Variants in GLIS3 observed in about 807,000 individuals in gnomAD.
The protein encoded by GLIS3 is GLIS family zinc finger 3, also known as zinc finger protein GLIS3.
A neutral mutation model predicts 78.6 loss-of-function variants in GLIS3; 53 were observed. The observed-to-expected ratio is 0.67, with a 90% CI of 0.54 to 0.85. The LOEUF is 0.85. GLIS3 is among the 40% of genes least tolerant of loss of function. The probability of loss-of-function intolerance (pLI) is 0.00; values close to 1 mark genes in which losing one functional copy is unlikely to be tolerated. For missense variants in GLIS3, 1,703 were observed against 1,231.1 expected, an observed-to-expected ratio of 1.38 and a Z score of -5.74; for synonymous variants, 684 against 509.9, an observed-to-expected ratio of 1.34 and a Z score of -4.60.
chr9:4,409,686 G>A, the GLIS3 span, among the ~76,000 whole-genome samples: 41 of 152,178 alleles, frequency 2.7e-4, 1 homozygote, highest in African/African-American at 8.2e-4. Flanking sequence ...CATTTGGCTG[G>A]GGAATTATTA....
chr9:4,407,054 C>T, the GLIS3 span, among the ~76,000 whole-genome samples: 2 of 152,278 alleles, frequency 1.3e-5, no homozygotes, highest in South Asian at 2.1e-4. Context: ...TACTACAGAG[C>T]TTCTGTAACT....
At chr9:4,124,296 AG>A (rs1317433478) in intron 3 of GLIS3, among the ~76,000 whole-genome samples, 5 of 152,242 alleles carry the variant, frequency 3.3e-5, no homozygotes, top group Non-Finnish European at 7.3e-5. Context: ...AATTATGCTA[AG>A]GAATCAAATA....
intron 2 of GLIS3, among the ~76,000 whole-genome samples, chr9:4,225,970 C>T (rs531048431): frequency 3.3e-5 from 5 of 152,172 alleles, no homozygotes; most frequent in Non-Finnish European, 7.3e-5. Context: ...CTACCTGAAA[C>T]GTTATCATTT....
At chr9:4,354,163 G>A in the GLIS3 span, among the ~76,000 whole-genome samples, 16 of 152,212 alleles carry the variant, frequency 1.1e-4, 1 homozygote, top group South Asian at 3.3e-3. Flanking sequence ...TGATAGCCAA[G>A]AGGGCTTTTT....
intron 2 of GLIS3, among the ~76,000 whole-genome samples, chr9:4,276,392 G>A (rs1305963121): frequency 1.3e-4 from 6 of 46,000 alleles, no homozygotes; most frequent in Non-Finnish European, 2.6e-4. Flanking sequence ...GTGAGGGGAG[G>A]GAAGGGAAGG....
rs1434780756 is a variant in GLIS3 at position 4,219,251 on chromosome 9, G to GT, written c.388+66786dup. 3.3e-5 allele frequency among the ~76,000 whole-genome samples: 5 copies of GT among 152,186 alleles called. No homozygotes were observed. The East Asian group carries it at 5.8e-4, about 18-fold the overall frequency. On this transcript the variant is annotated intron_variant, in intron 2 of 10. Transcript: ENST00000381971. ...ATAAACGAGACCTGACCAACATCAA[G>GT]TACATAGGCTAGAGACACAAGATTT...
chr9:4,286,884 A>T (rs1465220928), intron 1 of GLIS3, among the ~76,000 whole-genome samples: 4 of 152,152 alleles, frequency 2.6e-5, no homozygotes, highest in Admixed American at 2.6e-4. Flanking sequence ...GTCTTGGGAA[A>T]CCCAAAAGCA....
intron 2 of GLIS3, among the ~76,000 whole-genome samples, chr9:4,320,705 T>C (rs1329856155): frequency 6.6e-6 from 1 of 151,922 alleles, no homozygotes; most frequent in Non-Finnish European, 1.5e-5. Flanking sequence ...CCACTACTAC[T>C]ATCTCTACTA....
chr9:3,953,785 CTCTCTCTCTCTATATATATATA>C, intron 4 of GLIS3, among the ~76,000 whole-genome samples: 1 of 42,312 alleles, frequency 2.4e-5, no homozygotes, highest in East Asian at 5.1e-4. Flanking sequence ...CTCTCTCTCT[CTCTCTCTCTCTATATATATATA>C]TATATATATA....
chr9:3,975,651 G>A (rs1818723935), intron 4 of GLIS3, among the ~76,000 whole-genome samples: 1 of 151,582 alleles, frequency 6.6e-6, no homozygotes, highest in South Asian at 2.1e-4. Context: ...CTAGAAACCA[G>A]TAACATGCCT....
intron 3 of GLIS3, chr9:4,310,371 T>C (rs1817330349): frequency 6.6e-6 from 1 of 152,160 alleles, no homozygotes; most frequent in Non-Finnish European, 1.5e-5. Flanking sequence ...TCCGAGTGAA[T>C]GGGGGATAAA....
chr9:3,952,427 C>T (rs938381546), intron 4 of GLIS3, among the ~76,000 whole-genome samples: 1 of 152,162 alleles, frequency 6.6e-6, no homozygotes, highest in Non-Finnish European at 1.5e-5. Flanking sequence ...ACACAATTTG[C>T]ACCTTCTTTG....
At chr9:4,315,191 T>G (rs533057417) in intron 2 of GLIS3, among the ~76,000 whole-genome samples, 1 of 152,226 alleles carries the variant, frequency 6.6e-6, no homozygotes, top group Non-Finnish European at 1.5e-5. Context: ...CTTAAAATCA[T>G]GTGTCCCAGA....
At chr9:4,333,105 A>C (rs538381077) in intron 2 of GLIS3, among the ~76,000 whole-genome samples, 2 of 152,328 alleles carry the variant, frequency 1.3e-5, no homozygotes, top group African/African-American at 4.8e-5. Context: ...GCTAAACCTT[A>C]GCCAGGTGCT....
intron 9 of GLIS3, among the ~76,000 whole-genome samples, chr9:3,830,394 G>A (rs1005607504): frequency 6.6e-6 from 1 of 152,162 alleles, no homozygotes; most frequent in Non-Finnish European, 1.5e-5. Flanking sequence ...TCTTAGTTCC[G>A]TACATTATTG....
chr9:4,482,671 C>G, the GLIS3 span, among the ~76,000 whole-genome samples: 5 of 152,228 alleles, frequency 3.3e-5, no homozygotes, highest in African/African-American at 9.6e-5. Flanking sequence ...TTCTGAATGC[C>G]CTTTTCATTT....
At chr9:4,140,539 T>A (rs1156294182) in intron 2 of GLIS3, among the ~76,000 whole-genome samples, 1 of 152,182 alleles carries the variant, frequency 6.6e-6, no homozygotes, top group Non-Finnish European at 1.5e-5. Flanking sequence ...TTATTTTGCA[T>A]TAAAATGAAG....
At chr9:4,131,501 G>A (rs902969315) in intron 2 of GLIS3, among the ~76,000 whole-genome samples, 31 of 152,108 alleles carry the variant, frequency 2.0e-4, no homozygotes, top group Admixed American at 9.2e-4. Flanking sequence ...TCCCTTTGCT[G>A]CTATTCTCGT....
At chr9:4,272,056 C>T (rs1192611737) in intron 2 of GLIS3, among the ~76,000 whole-genome samples, 1 of 152,152 alleles carries the variant, frequency 6.6e-6, no homozygotes, top group Non-Finnish European at 1.5e-5. Context: ...CCTCGTCATG[C>T]GGCCAAGCAA....
Sources: gnomAD v4.1 joint callset for allele counts (sites outside exome capture counted in the v4.1 genomes callset) on GRCh38, gnomAD v4.1.1 for gene constraint, MANE v1.5 for transcripts, NCBI Gene and HGNC (gene_info 2026-07-23, HGNC 2026-07-21) for gene names.